Variants in ZNF622 observed in about 807,000 individuals in gnomAD.
The protein encoded by ZNF622 is zinc finger protein 622.
Under a neutral mutation model 49.7 loss-of-function variants are expected in ZNF622, and 34 were observed. The ratio of observed to expected loss-of-function variants is 0.68; its 90% CI spans 0.52 to 0.91. ZNF622 has a LOEUF of 0.91. ZNF622 is among the 40% of genes least tolerant of loss of function. ZNF622 has a pLI of 0.00. For missense variants in ZNF622, 569 were observed against 616.4 expected (o/e 0.92, Z 0.81); for synonymous variants, 209 against 228.7 (o/e 0.91, Z 0.78).
Position 16,453,041 on chromosome 5 carries a change from G to A in ZNF622, c.1278C>T (p.Tyr426=), listed in dbSNP as rs770799628. 2 of 1,566,270 alleles carry A rather than the reference G, an allele frequency of 1.3e-6. No homozygotes were observed. The highest frequency in any genetic ancestry group is 2.3e-5 in the South Asian group (2 of 85,158). The change falls in exon 5 of 6, where the codon TAC becomes TAT. Residue 426 remains tyrosine, a synonymous_variant. Transcript: ENST00000308683. ...TGCTGCCAGTCCATCCCAGGGCTCTGTACTGCTGAAGTACTCGGCCCACGG... is the reference window on the plus strand; with the variant it reads ...TGCTGCCAGTCCATCCCAGGGCTCTATACTGCTGAAGTACTCGGCCCACGG... ...RKAVGRVLQQ[Y]RALGWTGSTG...
chr5:16,455,841 G>A (rs926761952), intron 4 of ZNF622, among the ~76,000 whole-genome samples: 1 of 152,178 alleles, frequency 6.6e-6, no homozygotes, highest in African/African-American at 2.4e-5. Flanking sequence ...CAGCTGGTAA[G>A]AAGGAACTGA....
chr5:16,455,587 G>A (rs1738012726), intron 4 of ZNF622, among the ~76,000 whole-genome samples: 1 of 152,196 alleles, frequency 6.6e-6, no homozygotes, highest in African/African-American at 2.4e-5. Flanking sequence ...AGATGTAGTT[G>A]ATGGATAAAA....
At chr5:16,462,401 C>T (rs1424144147) in intron 3 of ZNF622, among the ~76,000 whole-genome samples, 2 of 152,164 alleles carry the variant, frequency 1.3e-5, no homozygotes, top group African/African-American at 4.8e-5. Flanking sequence ...GTATCTCACA[C>T]CTGTAATCCC....
intron 3 of ZNF622, among the ~76,000 whole-genome samples, chr5:16,458,957 G>C (rs1199788024): frequency 6.6e-6 from 1 of 152,204 alleles, no homozygotes; most frequent in Non-Finnish European, 1.5e-5. Context: ...GAACAGTGCT[G>C]TCCAACAGAA....
At chr5:16,464,006 C>T (rs1033835817) in intron 1 of ZNF622, among the ~76,000 whole-genome samples, 1 of 152,184 alleles carries the variant, frequency 6.6e-6, no homozygotes, top group Non-Finnish European at 1.5e-5. Flanking sequence ...CAGCACCTAG[C>T]CCAGTGCTGA....
Position 16,465,180 on chromosome 5 carries a change from AC to A in ZNF622, c.485del (p.Gly162ValfsTer103), listed in dbSNP as rs778011967. On this transcript the variant is annotated frameshift_variant, in exon 1 of 6. Coordinates refer to ENST00000308683, the MANE Select transcript of ZNF622 (RefSeq NM_033414.3). LOFTEE classifies it high-confidence loss of function. The surrounding 1 kb of genome is among the most constrained non-coding windows in gnomAD (Gnocchi z 6.2). Reference sequence around the variant, plus strand: ...GGTCGTGGGTCCCACGGCCACCAGTACCCACGGCCACGACATTCCTGGCCTC... The same window carrying A: ...GGTCGTGGGTCCCACGGCCACCAGTACCACGGCCACGACATTCCTGGCCTC... ...AKEARNVVAV[G>X]TGGRGTHDRD... 1.5e-5 allele frequency: 24 copies of A among 1,614,118 alleles called. No homozygotes were observed. Among genetic ancestry groups the A allele is most frequent in the Non-Finnish European group, 1.9e-5 (23 of 1,180,014 alleles).
Position 16,465,080 on chromosome 5 carries a change from C to T in ZNF622, c.586G>A (p.Glu196Lys). The T allele has an allele frequency of 6.2e-7, 1 of 1,609,382 alleles. No homozygotes were observed. The highest frequency in any genetic ancestry group is 1.3e-5 in the African/African-American group (1 of 74,912). ...QAKKLAKQQE[E>K]DSEEEEEDLD... ...TCCTCTTCCTCCTCCTCGCTGTCCTCCTCCTGCTGCTTTGCCAACTTCTTC... is the reference window on the plus strand; with the variant it reads ...TCCTCTTCCTCCTCCTCGCTGTCCTTCTCCTGCTGCTTTGCCAACTTCTTC... Residue 196 changes from glutamate to lysine, a missense_variant, in exon 1 of 6, where the codon GAG becomes AAG. Physicochemically the swap from Glu to Lys is moderately conservative, Grantham distance 56. Transcript: ENST00000308683. The surrounding 1 kb of genome is among the most constrained non-coding windows in gnomAD (Gnocchi z 6.2).
rs765177950 is a variant in ZNF622 at position 16,463,678 on chromosome 5, C to T, written c.690G>A (p.Val230=). ...CTTCCTCCTCTGCATCCTGCTCCAC[C>T]ACATCGTCCATTGCTTCAGTATCCT... ...ECEDTEAMDD[V]VEQDAEEEEA... Residue 230 remains valine, a synonymous_variant, in exon 2 of 6, where the codon GTG becomes GTA. Coordinates refer to ENST00000308683, the MANE Select transcript of ZNF622 (RefSeq NM_033414.3). The surrounding 1 kb of genome is among the most constrained non-coding windows in gnomAD (Gnocchi z 4.2). 1.2e-6 allele frequency: 2 copies of T among 1,614,242 alleles called. No homozygotes were observed. The highest frequency in any genetic ancestry group is 1.7e-6 in the Non-Finnish European group (2 of 1,180,044).
rs772687863 is a variant in ZNF622 at position 16,458,586 on chromosome 5, C to A, written c.1093G>T (p.Ala365Ser). Reference protein sequence around the residue: ...DHKEGEDPNKAEELPSEKNLE... With the variant: ...DHKEGEDPNKSEELPSEKNLE... ...TTCTTTTCTGAGGGCAACTCCTCAG[C>A]CTTATTGGGGTCCTCCCCTTCCTTG... is the stretch of plus-strand genomic sequence containing the variant. Residue 365 changes from alanine (A) to serine (S), a missense_variant, in exon 4 of 6, where the codon GCT becomes TCT. Physicochemically the swap from Ala to Ser is moderately conservative, Grantham distance 99. Coordinates refer to ENST00000308683, the MANE Select transcript of ZNF622 (RefSeq NM_033414.3). 4 of 1,613,694 alleles carry A rather than the reference C, an allele frequency of 2.5e-6. No homozygotes were observed. The highest frequency in any genetic ancestry group is 3.4e-6 in the Non-Finnish European group (4 of 1,179,826).
chr5:16,458,500 T>C lies in ZNF622; in HGVS notation c.1162+17A>G, dbSNP rs1274660687. 3.2e-6 allele frequency: 5 copies of C among 1,573,962 alleles called. No homozygotes were observed. The Admixed American group carries it at 6.7e-5, about 21-fold the overall frequency. ...CCCACTGGCATTAAGCTATTTATTT[T>C]TGACAAATGCACTTACCAGAAGGCA... On this transcript the variant is annotated intron_variant, in intron 4 of 5. Transcript: ENST00000308683.
Position 16,463,800 on chromosome 5 carries a change from T to C in ZNF622, c.626-58A>G. ...AGAAAAGTAGTAGCAAGCAAAGATA[T>C]CACAAAAATTCACGAGGTGATACAG... On this transcript the variant is annotated intron_variant, in intron 1 of 5. Coordinates refer to ENST00000308683, the MANE Select transcript of ZNF622 (RefSeq NM_033414.3). The surrounding 1 kb of genome is among the most constrained non-coding windows in gnomAD (Gnocchi z 4.2). 1.3e-6 allele frequency: 2 copies of C among 1,561,022 alleles called. No homozygotes were observed.
At chr5:16,458,811 T>C (rs1383304205) in intron 3 of ZNF622, among the ~76,000 whole-genome samples, 182 bp from the exon 4 acceptor site, 4 of 152,228 alleles carry the variant, frequency 2.6e-5, no homozygotes, top group Non-Finnish European at 4.4e-5. Context: ...ATTTTGTCTG[T>C]AGTAGAAATG....
Position 16,451,733 on chromosome 5 carries a change from G to T in ZNF622, c.1358C>A (p.Ser453Ter). Residue 453 changes from serine (S) to a stop codon, truncating the protein, a stop_gained, in exon 6 of 6, where the codon TCA (serine) becomes TAA (stop). Coordinates refer to ENST00000308683, the MANE Select transcript of ZNF622 (RefSeq NM_033414.3). LOFTEE classifies it high-confidence loss of function. ...RDMQYVQRMK[S>*]KWMLKTGMKN... ...CATTCCTGTCTTCAGCATCCATTTT[G>T]ATTTCATCCTTTGGACATACTGCAT... The T allele has an allele frequency of 6.2e-7, 1 of 1,614,076 alleles. No homozygotes were observed. Among genetic ancestry groups the T allele is most frequent in the Non-Finnish European group, 8.5e-7 (1 of 1,180,004 alleles).
At chr5:16,462,233 A>G (rs1341334554) in intron 3 of ZNF622, among the ~76,000 whole-genome samples, 1 of 152,212 alleles carries the variant, frequency 6.6e-6, no homozygotes, top group African/African-American at 2.4e-5. Context: ...ACATGGTATC[A>G]CTTGGTCTAT....
intron 4 of ZNF622, among the ~76,000 whole-genome samples, chr5:16,458,114 A>C (rs905548865): frequency 6.6e-6 from 1 of 152,118 alleles, no homozygotes; most frequent in African/African-American, 2.4e-5. Context: ...CCCACACCAA[A>C]CTACCATTTG....
chr5:16,465,036 A>T lies in ZNF622; in HGVS notation c.625+5T>A. ...TTACCCTCCCCGCCCAGACAGGGCC[A>T]TCACCGTCTCCATCCAGGTCCTCTT... On this transcript the variant is annotated splice_donor_5th_base_variant and intron_variant, in intron 1 of 5. Transcript: ENST00000308683. The surrounding 1 kb of genome is among the most constrained non-coding windows in gnomAD (Gnocchi z 6.2). 6.4e-7 allele frequency: 1 copy of T among 1,570,726 alleles called. No individual in the cohort carries two copies. The highest frequency in any genetic ancestry group is 8.6e-7 in the Non-Finnish European group (1 of 1,158,890).
At chr5:16,459,185 A>G (rs556507471) in intron 3 of ZNF622, among the ~76,000 whole-genome samples, 128 of 152,358 alleles carry the variant, frequency 8.4e-4, no homozygotes, top group Non-Finnish European at 1.0e-3. Context: ...AAGAATCTCT[A>G]TATTCCTAAA....
rs574007513 is a variant in ZNF622, at chr5:16,464,284, G to A, written c.626-542C>T. 2.6e-5 allele frequency among the ~76,000 whole-genome samples: 4 copies of A among 152,262 alleles called. No individual in the cohort carries two copies. The East Asian group carries it at 7.7e-4, about 29-fold the overall frequency. ...ATCCTGAATAAATGGATTAGTGCGA[G>A]GGAACTGGCTAGCCCCTTTTTTGCC... On this transcript the variant is annotated intron_variant, in intron 1 of 5. Coordinates refer to ENST00000308683, the MANE Select transcript of ZNF622 (RefSeq NM_033414.3).
At chr5:16,462,851 T>A (rs1479572590) in intron 3 of ZNF622, among the ~76,000 whole-genome samples, 2 of 152,196 alleles carry the variant, frequency 1.3e-5, no homozygotes, top group Non-Finnish European at 2.9e-5. Context: ...AACTGAACTC[T>A]TGATGTTTTA....
Sources: allele counts gnomAD v4.1 joint callset (sites outside exome capture counted in the v4.1 genomes callset), GRCh38; gene constraint gnomAD v4.1.1; non-coding constraint Gnocchi (gnomAD v3.1); transcripts MANE v1.5; gene names NCBI Gene and HGNC (gene_info 2026-07-23, HGNC 2026-07-21).